SLC14A2: variants seen among roughly 807,000 people sequenced by gnomAD.
The protein encoded by SLC14A2 is solute carrier family 14 member 2.
A neutral mutation model predicts 104.6 loss-of-function variants in SLC14A2; 91 were observed. The ratio of observed to expected loss-of-function variants is 0.87; its 90% CI spans 0.73 to 1.04. The LOEUF (loss-of-function observed/expected upper bound fraction) is 1.04. Among genes scored for constraint, SLC14A2 ranks in the 50% least tolerant of loss-of-function variants. SLC14A2 has a pLI of 0.00. For missense variants in SLC14A2, 1,189 were observed against 1,156.0 expected (o/e 1.03, Z -0.41); for synonymous variants, 476 against 466.4 (o/e 1.02, Z -0.27).
upstream of SLC14A2, among the ~76,000 whole-genome samples, chr18:45,614,332 A>G (rs1440932546): frequency 6.6e-6 from 1 of 152,208 alleles, no homozygotes; most frequent in African/African-American, 2.4e-5. Context: ...CCTCATAGAG[A>G]ACCTCTGCTA....
intron 1 of SLC14A2, among the ~76,000 whole-genome samples, chr18:45,366,440 G>T (rs192180974): frequency 3.9e-5 from 6 of 152,126 alleles, no homozygotes; most frequent in Admixed American, 3.9e-4. Context: ...CTCATGCTGG[G>T]GACCCCCGTG....
At chr18:45,349,947 CAG>C (rs2085485834) in intron 1 of SLC14A2, among the ~76,000 whole-genome samples, 1 of 152,222 alleles carries the variant, frequency 6.6e-6, no homozygotes, top group Non-Finnish European at 1.5e-5. Flanking sequence ...CATAAGAAAT[CAG>C]AAGTAGTCAA....
At chr18:45,405,372 T>A (rs2086142512) in intron 1 of SLC14A2, among the ~76,000 whole-genome samples, 1 of 151,828 alleles carries the variant, frequency 6.6e-6, no homozygotes, top group Non-Finnish European at 1.5e-5. Context: ...CAGTCAGGAG[T>A]CTCCGTGTGC....
At chr18:45,400,498 G>T (rs1332994535) in intron 1 of SLC14A2, among the ~76,000 whole-genome samples, 1 of 152,142 alleles carries the variant, frequency 6.6e-6, no homozygotes, top group African/African-American at 2.4e-5. Flanking sequence ...TAGTATCTTT[G>T]ATCGGTTGAT....
At chr18:45,562,654 G>C (rs1255475530) in intron 2 of SLC14A2, among the ~76,000 whole-genome samples, 1 of 152,160 alleles carries the variant, frequency 6.6e-6, no homozygotes, top group African/African-American at 2.4e-5. Flanking sequence ...CAGCCGGCCT[G>C]GGTGGTATTT....
chr18:45,667,795 T>C (rs932284927), intron 13 of SLC14A2, 38 bp from the exon 14 acceptor site: 4 of 1,579,662 alleles, frequency 2.5e-6, no homozygotes, highest in Non-Finnish European at 3.5e-6. Flanking sequence ...CTGCCCACAC[T>C]GAGCACTTGC....
intron 14 of SLC14A2, 50 bp downstream of exon 14, chr18:45,668,072 C>A: frequency 6.6e-7 from 1 of 1,525,076 alleles, no homozygotes. Context: ...AAGTCACTCC[C>A]CATGGGGACC....
chr18:45,279,837 C>T (rs1346114969), intron 1 of SLC14A2, among the ~76,000 whole-genome samples: 1 of 152,096 alleles, frequency 6.6e-6, no homozygotes, highest in Non-Finnish European at 1.5e-5. Context: ...GTGAAGAATC[C>T]ACTCTGCAAG....
rs532719831 is a variant in SLC14A2 at position 45,308,124 on chromosome 18, C to T, written c.-125+94933C>T. ...ACCAAGCCATTCATGAGGGATCTGC[C>T]CCCATGACCCAAACACCTCCCGGTA... On this transcript the variant is annotated intron_variant, in intron 1 of 20. Coordinates refer to the SLC14A2 transcript ENST00000586448. Among the ~76,000 whole-genome samples, 3 of 152,222 alleles carry T rather than the reference C, an allele frequency of 2.0e-5. No homozygotes were observed. In the South Asian group the frequency reaches 6.2e-4, roughly 32 times the overall value.
chr18:45,682,863 G>C lies in SLC14A2; in HGVS notation c.*344G>C, dbSNP rs2046332876. 3.9e-6 allele frequency: 1 copy of C among 253,290 alleles called. No individual in the cohort carries two copies. The highest frequency in any genetic ancestry group is 4.7e-5 in the Admixed American group (1 of 21,198). 15.7% of individuals were successfully genotyped at this position (253,290 alleles called of 1,614,324 possible). On this transcript the variant is annotated 3_prime_UTR_variant, in exon 20 of 20. Transcript: ENST00000255226. The stretch of plus-strand genomic sequence containing the variant: ...TAATCCCAGCACTTTGGGAGGCCGA[G>C]GCGGGTGGATCACGAGGTCAGGAGA...
chr18:45,414,355 G>A (rs1336614341), intron 1 of SLC14A2, among the ~76,000 whole-genome samples: 1 of 152,092 alleles, frequency 6.6e-6, no homozygotes, highest in Non-Finnish European at 1.5e-5. Context: ...AATAATAATG[G>A]CACACTCAGA....
intron 10 of SLC14A2, among the ~76,000 whole-genome samples, chr18:45,652,970 T>A (rs1273669153): frequency 6.6e-6 from 1 of 151,974 alleles, no homozygotes; most frequent in Non-Finnish European, 1.5e-5. Context: ...TGCTCACAGG[T>A]GGCTCCCTGT....
chr18:45,214,915 A>AAAT, intron 1 of SLC14A2, among the ~76,000 whole-genome samples: 1 of 334 alleles, frequency 3.0e-3, no homozygotes, highest in Non-Finnish European at 6.0e-3. Context: ...CCATGTCTTT[A>AAAT]AAAAAAAAAA....
At chr18:45,196,438 C>T in the SLC14A2 span, among the ~76,000 whole-genome samples, 122 of 152,242 alleles carry the variant, frequency 8.0e-4, no homozygotes, top group Non-Finnish European at 9.6e-4. Flanking sequence ...TTTCCCTCTG[C>T]GAAGCTGTGA....
intron 1 of SLC14A2, among the ~76,000 whole-genome samples, chr18:45,307,114 C>A (rs2085030034): frequency 6.6e-6 from 1 of 152,080 alleles, no homozygotes; most frequent in Non-Finnish European, 1.5e-5. Flanking sequence ...TCAGAAAACC[C>A]ACCTAGAAAA....
intron 1 of SLC14A2, among the ~76,000 whole-genome samples, chr18:45,312,691 G>C (rs947676710): frequency 3.3e-5 from 5 of 152,216 alleles, no homozygotes; most frequent in African/African-American, 1.2e-4. Context: ...TGGGCTAATT[G>C]CTCGTCTGGT....
At chr18:45,676,278 G>A (rs1158690210) in intron 18 of SLC14A2, among the ~76,000 whole-genome samples, 1 of 152,208 alleles carries the variant, frequency 6.6e-6, no homozygotes, top group Non-Finnish European at 1.5e-5. Flanking sequence ...AGTGGCCCAT[G>A]ACTTCCACAT....
chr18:45,545,036 T>C (rs1424807046), intron 2 of SLC14A2, among the ~76,000 whole-genome samples: 1 of 152,090 alleles, frequency 6.6e-6, no homozygotes, highest in African/African-American at 2.4e-5. Flanking sequence ...TCAGGTGATC[T>C]GCCCGCCTCG....
intron 1 of SLC14A2, among the ~76,000 whole-genome samples, chr18:45,342,447 G>GT (rs969531304): frequency 1.3e-5 from 2 of 152,270 alleles, no homozygotes; most frequent in African/African-American, 4.8e-5. Context: ...AGGATGTGTG[G>GT]TTTAAAGTCA....
Sources: allele counts gnomAD v4.1 joint callset (sites outside exome capture counted in the v4.1 genomes callset), GRCh38; gene constraint gnomAD v4.1.1; transcripts MANE v1.5; gene names NCBI Gene and HGNC (gene_info 2026-07-23, HGNC 2026-07-21).